The following UVSSA variants were observed in gnomAD, a reference collection of about 807,000 sequenced individuals.
The protein encoded by UVSSA is UV stimulated scaffold protein A.
In UVSSA, 72 loss-of-function variants were observed where a neutral mutation model predicts 73.9. The ratio of observed to expected loss-of-function variants is 0.97; its 90% CI spans 0.81 to 1.19. The LOEUF is 1.19. UVSSA is among the 50% of genes most tolerant of loss of function. The probability of loss-of-function intolerance (pLI) is 0.00; values close to 1 mark genes in which losing one functional copy is unlikely to be tolerated. For synonymous variants in UVSSA, 454 were observed against 391.3 expected (o/e 1.16, Z -1.89); for missense variants, 1,150 against 965.0 (o/e 1.19, Z -2.54).
chr4:1,390,510 C>T (rs1720388284), downstream of UVSSA: 1 of 152,216 alleles, frequency 6.6e-6, no homozygotes, highest in Non-Finnish European at 1.5e-5. Context: ...GTTGGAACTC[C>T]TGGGCTCAAG....
chr4:1,384,124 C>A (rs903276391), intron 13 of UVSSA, 184 bp downstream of exon 13: 7 of 737,754 alleles, frequency 9.5e-6, no homozygotes, highest in African/African-American at 1.8e-5. Context: ...CCAGCAGGGG[C>A]AGCAGGCAGG....
At chr4:1,383,729 C>T (rs2109312157) in intron 12 of UVSSA, 37 bp from the exon 13 acceptor site, 2 of 1,610,874 alleles carry the variant, frequency 1.2e-6, no homozygotes, top group Non-Finnish European at 8.5e-7. Flanking sequence ...CTGGTCAGTG[C>T]CAGACGTCTC....
At chr4:1,369,034 A>C (rs183285451) in intron 8 of UVSSA, among the ~76,000 whole-genome samples, 177 of 152,346 alleles carry the variant, frequency 1.2e-3, no homozygotes, top group Non-Finnish European at 1.1e-3. Context: ...TGGGAGCTCC[A>C]TCACAGCCTT....
chr4:1,379,648 C>T lies in UVSSA; in HGVS notation c.1569-399C>T, dbSNP rs74935237. Among the ~76,000 whole-genome samples the T allele has an allele frequency of 4.2e-3, 646 of 152,176 alleles. 3 individuals carry two copies. The highest frequency in any genetic ancestry group is 0.015 in the African/African-American group (611 of 41,426). Reference sequence around the variant, plus strand: ...AAGGACGACCTTCATGTGGATGCCCCGTTGGCCTTCAAGGTCACGCCTCAA... The same window carrying T: ...AAGGACGACCTTCATGTGGATGCCCTGTTGGCCTTCAAGGTCACGCCTCAA... On this transcript the variant is annotated intron_variant, in intron 10 of 13. Transcript: ENST00000389851.
intron 9 of UVSSA, 102 bp from the exon 10 acceptor site, chr4:1,375,932 C>T (rs1286401053): frequency 1.5e-5 from 22 of 1,508,342 alleles, no homozygotes; most frequent in South Asian, 1.1e-4. Context: ...TCACCTGATC[C>T]GACCCGAGGC....
rs114546495 is a variant in UVSSA at position 1,380,999 on chromosome 4, G to A, written c.1861+11G>A. The A allele has an allele frequency of 0.091, 146,665 of 1,610,036 alleles. 7,448 individuals carry two copies. Among genetic ancestry groups the A allele is most frequent in the South Asian group, 0.11 (9,993 of 90,808 alleles). The stretch of plus-strand genomic sequence containing the variant: ...AGCAGGAGCGCCCGGGTAGGTCTGG[G>A]CAAGGCGGTCACCGTGGGAGGCACA... On this transcript the variant is annotated intron_variant, in intron 12 of 13. Coordinates refer to ENST00000389851, the MANE Select transcript of UVSSA (RefSeq NM_020894.4).
chr4:1,349,553 A>G lies in UVSSA; in HGVS notation c.128A>G (p.Tyr43Cys), dbSNP rs201659434. The change falls in exon 3 of 14, where the codon TAC becomes TGC. Residue 43 changes from tyrosine to cysteine, a missense_variant. Physicochemically the swap from Tyr to Cys is radical, Grantham distance 194 (BLOSUM62 -2). Transcript: ENST00000389851. ...KSSEEQLSRA[Y>C]RLLIAQLTQE... is the part of the protein sequence containing the mutation. ...TCAGAGGAGCAGCTGAGCCGCGCCT[A>G]CCGCCTGCTGATAGCACAGCTGACC... The G allele has an allele frequency of 2.3e-4, 371 of 1,613,694 alleles. No individual in the cohort carries two copies. Among genetic ancestry groups the G allele is most frequent in the Non-Finnish European group, 3.0e-4 (353 of 1,179,932 alleles).
At chr4:1,395,877 GGA>G (rs778224829) in exon 14 of UVSSA, 14 of 1,601,242 alleles carry the variant, frequency 8.7e-6, no homozygotes, top group Non-Finnish European at 9.4e-6. Flanking sequence ...AGATGGAAGA[GGA>G]GAGGGTGTTT....
intron 7 of UVSSA, among the ~76,000 whole-genome samples, chr4:1,360,336 C>G (rs959124274): frequency 6.6e-6 from 1 of 152,240 alleles, no homozygotes; most frequent in Admixed American, 6.5e-5. Context: ...TACCTGTCTG[C>G]AAAACACAGG....
chr4:1,353,431 G>T lies in UVSSA; in HGVS notation c.934+18G>T, dbSNP rs1261764161. ...CTGCTCAGGTAACTGCCTTCGCGGGGTCTCTGTGGCGCCACCCTGCCCCGG... is the reference window on the plus strand; with the variant it reads ...CTGCTCAGGTAACTGCCTTCGCGGGTTCTCTGTGGCGCCACCCTGCCCCGG... On this transcript the variant is annotated intron_variant, in intron 5 of 13. Coordinates refer to ENST00000389851, the MANE Select transcript of UVSSA (RefSeq NM_020894.4). 1.4e-6 allele frequency: 2 copies of T among 1,467,192 alleles called. No individual in the cohort carries two copies. The highest frequency in any genetic ancestry group is 2.5e-5 in the East Asian group (1 of 39,982). The allele number at this position is 1,467,192 out of a possible 1,614,324, so 90.9% of individuals were successfully genotyped here.
Position 1,385,909 on chromosome 4 carries a change from A to C in UVSSA, c.2078A>C (p.Asp693Ala). 6.2e-7 allele frequency: 1 copy of C among 1,614,044 alleles called. No individual in the cohort carries two copies. The highest frequency in any genetic ancestry group is 8.5e-7 in the Non-Finnish European group (1 of 1,180,024). The change falls in exon 14 of 14, where the codon GAC becomes GCC. Residue 693 changes from aspartate to alanine, a missense_variant. Coordinates refer to ENST00000389851, the MANE Select transcript of UVSSA (RefSeq NM_020894.4). ...RRVVAAMNRM[D>A]QKKHEKFSNQ... ...GTAGTGGCAGCCATGAACCGGATGG[A>C]CCAGAAGAAGCACGAGAAGTTTTCA...
chr4:1,349,702 A>G lies in UVSSA; in HGVS notation c.277A>G (p.Thr93Ala), dbSNP rs199918903. The change falls in exon 3 of 14, where the codon ACA (threonine) becomes GCA (alanine). Residue 93 changes from threonine to alanine, a missense_variant. Coordinates refer to ENST00000389851, the MANE Select transcript of UVSSA (RefSeq NM_020894.4). ...GGAGTTCCTGGAGCTCACGCTGGGC[A>G]CAGACCCCGCACAGCCTCTGCCGCC... Reference protein sequence around the residue: ...FQEFLELTLGTDPAQPLPPPR... With the variant: ...FQEFLELTLGADPAQPLPPPR... The G allele has an allele frequency of 3.1e-6, 5 of 1,613,948 alleles. No individual in the cohort carries two copies. Among genetic ancestry groups the G allele is most frequent in the East Asian group, 4.5e-5 (2 of 44,882 alleles).
chr4:1,373,100 T>A, intron 8 of UVSSA, among the ~76,000 whole-genome samples: 1 of 152,368 alleles, frequency 6.6e-6, no homozygotes, highest in African/African-American at 2.4e-5. Context: ...CTTGAACTTC[T>A]CCTTCGGCAC....
chr4:1,383,648 G>A (rs1560488383), intron 12 of UVSSA, 118 bp from the exon 13 acceptor site: 8 of 1,256,808 alleles, frequency 6.4e-6, no homozygotes, highest in African/African-American at 3.0e-5. Context: ...GTACGGCCGT[G>A]GGCAAGGCGA....
At chr4:1,374,614 G>A (rs1386126420) in intron 8 of UVSSA, among the ~76,000 whole-genome samples, 1 of 152,218 alleles carries the variant, frequency 6.6e-6, no homozygotes, top group Non-Finnish European at 1.5e-5. Flanking sequence ...TCTTGCTGGC[G>A]GCGGGGCGGA....
chr4:1,376,754 G>A lies in UVSSA; in HGVS notation c.1568+586G>A, dbSNP rs575157646. ...CAAGAGGCCACCTGGGTACTCCAGCGCCTGCCACAGCTCGCTGGCACGGCC... is the reference window on the plus strand; with the variant it reads ...CAAGAGGCCACCTGGGTACTCCAGCACCTGCCACAGCTCGCTGGCACGGCC... On this transcript the variant is annotated intron_variant, in intron 10 of 13. Transcript: ENST00000389851. Among the ~76,000 whole-genome samples, 250 of 152,340 alleles carry A rather than the reference G, an allele frequency of 1.6e-3. 1 individual carries two copies. Among genetic ancestry groups the A allele is most frequent in the African/African-American group, 5.8e-3 (242 of 41,582 alleles).
chr4:1,385,601 T>TGGG (rs1234820240), intron 13 of UVSSA: 1 of 506,266 alleles, frequency 2.0e-6, no homozygotes, highest in Non-Finnish European at 3.6e-6. Flanking sequence ...AAGGTGGGGC[T>TGGG]GGGGCCACCT....
chr4:1,376,349 C>T (rs528128902), intron 10 of UVSSA, among the ~76,000 whole-genome samples, 181 bp downstream of exon 10: 7 of 152,318 alleles, frequency 4.6e-5, no homozygotes, highest in African/African-American at 1.4e-4. Flanking sequence ...TGATCCGGCT[C>T]GTGGAGCCCA....
upstream of UVSSA, among the ~76,000 whole-genome samples, chr4:1,346,403 A>G (rs1330744633): frequency 6.6e-6 from 1 of 152,116 alleles, no homozygotes; most frequent in South Asian, 2.1e-4. Flanking sequence ...CTCCGAAGCC[A>G]CGGTTTCCCA....
Sources: allele counts gnomAD v4.1 joint callset (sites outside exome capture counted in the v4.1 genomes callset), GRCh38; gene constraint gnomAD v4.1.1; transcripts MANE v1.5; gene names NCBI Gene and HGNC (gene_info 2026-07-23, HGNC 2026-07-21).